The following PDE11A variants were observed in gnomAD, a reference collection of about 807,000 sequenced individuals.
PDE11A encodes dual 3',5'-cyclic-AMP and -GMP phosphodiesterase 11A.
In PDE11A, 100 loss-of-function variants were observed where a neutral mutation model predicts 100.5. The observed-to-expected ratio is 1.00, with a 90% CI of 0.85 to 1.18. PDE11A has a LOEUF of 1.18. PDE11A is among the 50% of genes most tolerant of loss of function. PDE11A has a pLI of 0.00. For synonymous variants in PDE11A, 381 were observed against 420.8 expected, an observed-to-expected ratio of 0.91 and a Z score of 1.16; for missense variants, 1,141 against 1,152.6, an observed-to-expected ratio of 0.99 and a Z score of 0.15.
At chr2:177,786,224 G>A (rs575332882) in intron 9 of PDE11A, among the ~76,000 whole-genome samples, 28 of 152,268 alleles carry the variant, frequency 1.8e-4, no homozygotes, top group African/African-American at 5.8e-4. Flanking sequence ...CAGCATTCGC[G>A]GTTCATGAAA....
Position 178,035,457 on chromosome 2 carries a change from G to A in PDE11A, c.913-20997C>T, listed in dbSNP as rs184463656. Among the ~76,000 whole-genome samples, 322 of 152,334 alleles carry A rather than the reference G, an allele frequency of 2.1e-3. 2 individuals are homozygous for A. The highest frequency in any genetic ancestry group is 3.8e-3 in the Non-Finnish European group (260 of 68,030). On this transcript the variant is annotated intron_variant, in intron 1 of 19. Coordinates refer to ENST00000286063, the MANE Select transcript of PDE11A (RefSeq NM_016953.4). ...AATTCTACCAGAGGTACAAAGAGGAGCTAGTATCATTCCTTCTGAAACTAT... is the reference window on the plus strand; with the variant it reads ...AATTCTACCAGAGGTACAAAGAGGAACTAGTATCATTCCTTCTGAAACTAT...
intron 1 of PDE11A, among the ~76,000 whole-genome samples, chr2:178,063,923 C>T (rs1451861230): frequency 6.6e-6 from 1 of 152,174 alleles, no homozygotes; most frequent in Non-Finnish European, 1.5e-5. Flanking sequence ...CTATTATGTT[C>T]AAAGCCCTTT....
intron 5 of PDE11A, among the ~76,000 whole-genome samples, chr2:177,855,700 T>C (rs1488610996): frequency 6.6e-6 from 1 of 152,004 alleles, no homozygotes. Context: ...GGCTTGTTTA[T>C]TGAGAACAGC....
chr2:177,630,632 T>C (rs1270970266), intron 19 of PDE11A, among the ~76,000 whole-genome samples: 3 of 152,248 alleles, frequency 2.0e-5, no homozygotes, highest in Non-Finnish European at 4.4e-5. Flanking sequence ...TATTCTCTAC[T>C]TTACTGATTA....
At position 178,008,758 on chromosome 2, in the gene PDE11A, T is replaced by G. The variant is rs574099389; in HGVS notation, c.1071+5544A>C. ...CTCAACACCAGTTGGCAGAGCAGCA[T>G]CATCAGTAACAAGCTCCTGGAACAC... On this transcript the variant is annotated intron_variant, in intron 2 of 19. Transcript: ENST00000286063. 1.2e-3 allele frequency among the ~76,000 whole-genome samples: 186 copies of G among 152,246 alleles called. 1 individual carries two copies. The highest frequency in any genetic ancestry group is 4.3e-3 in the African/African-American group (179 of 41,548).
chr2:177,717,259 GC>G (rs2081452347), intron 12 of PDE11A, among the ~76,000 whole-genome samples: 1 of 152,040 alleles, frequency 6.6e-6, no homozygotes, highest in Non-Finnish European at 1.5e-5. Context: ...GAGTCATCAG[GC>G]CTGAAAAATG....
At chr2:177,789,463 C>T (rs1219776440) in intron 9 of PDE11A, among the ~76,000 whole-genome samples, 1 of 151,682 alleles carries the variant, frequency 6.6e-6, no homozygotes, top group Non-Finnish European at 1.5e-5. Context: ...GAAGCATTCC[C>T]TTTGAAAACT....
intron 1 of PDE11A, among the ~76,000 whole-genome samples, chr2:178,036,664 C>T (rs1475181759): frequency 6.6e-6 from 1 of 152,038 alleles, no homozygotes; most frequent in Non-Finnish European, 1.5e-5. Context: ...GGTACTGGTA[C>T]CAAAACAGAT....
intron 2 of PDE11A, among the ~76,000 whole-genome samples, chr2:177,995,654 C>CCT (rs1553498603): frequency 1.1e-4 from 17 of 151,510 alleles, no homozygotes; most frequent in African/African-American, 3.1e-4. Context: ...CCACCCACCC[C>CCT]GCATCTGCTG....
At chr2:177,848,884 A>G (rs1330426438) in intron 5 of PDE11A, among the ~76,000 whole-genome samples, 1 of 152,250 alleles carries the variant, frequency 6.6e-6, no homozygotes, top group East Asian at 1.9e-4. Flanking sequence ...CTGTGTGAAA[A>G]TAAAAAGACT....
intron 2 of PDE11A, among the ~76,000 whole-genome samples, chr2:177,947,813 A>G (rs1392861557): frequency 6.6e-6 from 1 of 151,680 alleles, no homozygotes; most frequent in Non-Finnish European, 1.5e-5. Flanking sequence ...ATAAAATAAA[A>G]TCTTAATTTT....
intron 6 of PDE11A, among the ~76,000 whole-genome samples, chr2:177,836,909 G>A (rs1322439152): frequency 6.6e-6 from 1 of 152,072 alleles, no homozygotes. Flanking sequence ...CCGAACATCA[G>A]AAGGAACAAA....
intron 2 of PDE11A, chr2:177,921,986 T>C (rs2085056154): frequency 6.6e-6 from 1 of 152,246 alleles, no homozygotes; most frequent in Non-Finnish European, 1.5e-5. Flanking sequence ...TTATCTCAAA[T>C]GAATATCATT....
intron 2 of PDE11A, among the ~76,000 whole-genome samples, chr2:178,104,091 C>A (rs899152459): frequency 6.6e-6 from 1 of 151,988 alleles, no homozygotes; most frequent in Non-Finnish European, 1.5e-5. Context: ...TAGGCAAAAA[C>A]CTATGCCATA....
At chr2:177,788,395 A>T (rs1473632817) in intron 9 of PDE11A, among the ~76,000 whole-genome samples, 1 of 150,170 alleles carries the variant, frequency 6.7e-6, no homozygotes, top group Non-Finnish European at 1.5e-5. Context: ...AGCAGTGTGT[A>T]GAGGGAAATT....
intron 1 of PDE11A, among the ~76,000 whole-genome samples, chr2:178,065,823 G>A (rs1032213437): frequency 6.6e-5 from 10 of 152,118 alleles, no homozygotes; most frequent in African/African-American, 1.4e-4. Context: ...CACTCTCATC[G>A]CTGAATTTTC....
intron 2 of PDE11A, among the ~76,000 whole-genome samples, chr2:177,910,589 C>T (rs2084865453): frequency 6.6e-6 from 1 of 152,064 alleles, no homozygotes; most frequent in South Asian, 2.1e-4. Flanking sequence ...GACTAAGAAG[C>T]AAATGAGTCT....
At chr2:178,022,290 T>C (rs937553652) in intron 1 of PDE11A, among the ~76,000 whole-genome samples, 7 of 152,126 alleles carry the variant, frequency 4.6e-5, no homozygotes, top group African/African-American at 1.7e-4. Flanking sequence ...AATGACTCCA[T>C]ATTTCTGGTG....
At chr2:178,046,024 G>A (rs13427452) in intron 1 of PDE11A, among the ~76,000 whole-genome samples, 1 of 152,160 alleles carries the variant, frequency 6.6e-6, no homozygotes, top group Non-Finnish European at 1.5e-5. Context: ...CCTCTTACTA[G>A]CTGTATAAAC....
Sources: gnomAD v4.1 joint callset for allele counts (sites outside exome capture counted in the v4.1 genomes callset) on GRCh38, gnomAD v4.1.1 for gene constraint, MANE v1.5 for transcripts, NCBI Gene and HGNC (gene_info 2026-07-23, HGNC 2026-07-21) for gene names.